Variants in METTL24 observed in about 807,000 individuals in gnomAD.
The protein encoded by METTL24 is methyltransferase like 24.
In METTL24, 29 loss-of-function variants were observed where a neutral mutation model predicts 32.7. The ratio of observed to expected loss-of-function variants is 0.89; its 90% CI spans 0.66 to 1.21. The LOEUF (loss-of-function observed/expected upper bound fraction) is 1.21, where lower values mean the gene tolerates loss of function less well. METTL24 is among the 50% of genes most tolerant of loss of function. METTL24 has a pLI of 0.00. For missense variants in METTL24, 439 were observed against 468.1 expected (o/e 0.94, Z 0.57); for synonymous variants, 163 against 179.5 (o/e 0.91, Z 0.73).
chr6:110,354,234 G>A (rs1254868914), intron 1 of METTL24, among the ~76,000 whole-genome samples: 10 of 152,204 alleles, frequency 6.6e-5, no homozygotes, highest in Non-Finnish European at 1.5e-5. Context: ...ATGGCTCCAT[G>A]AAGAAGGGGA....
At chr6:110,346,776 A>T (rs1772484480) in intron 1 of METTL24, among the ~76,000 whole-genome samples, 1 of 152,172 alleles carries the variant, frequency 6.6e-6, no homozygotes, top group African/African-American at 2.4e-5. Context: ...AAGTGCTGGG[A>T]TTACAGGCGT....
intron 4 of METTL24, among the ~76,000 whole-genome samples, chr6:110,298,157 A>G (rs1325199659): frequency 6.6e-6 from 1 of 152,218 alleles, no homozygotes; most frequent in Non-Finnish European, 1.5e-5. Flanking sequence ...ATCACATGGC[A>G]TCTCTGGCTG....
At chr6:110,343,540 C>T (rs62435943) in intron 1 of METTL24, among the ~76,000 whole-genome samples, 13,368 of 152,002 alleles carry the variant, frequency 0.088, 630 homozygotes, top group Non-Finnish European at 0.1. Context: ...AGGACAGGCC[C>T]GGAAGGAAAG....
chr6:110,292,466 TGA>T (rs1280527001), intron 4 of METTL24, among the ~76,000 whole-genome samples: 1 of 152,230 alleles, frequency 6.6e-6, no homozygotes, highest in Non-Finnish European at 1.5e-5. Context: ...TCCTTTTCTG[TGA>T]ACTGTTTTTC....
chr6:110,325,327 T>C (rs900031465), intron 1 of METTL24, among the ~76,000 whole-genome samples: 1 of 152,208 alleles, frequency 6.6e-6, no homozygotes, highest in African/African-American at 2.4e-5. Flanking sequence ...GGCCACACAG[T>C]TTCTGTTGCA....
chr6:110,312,673 A>G (rs1771745234), intron 3 of METTL24, among the ~76,000 whole-genome samples: 1 of 152,194 alleles, frequency 6.6e-6, no homozygotes, highest in Admixed American at 6.5e-5. Context: ...GAGAGAGTAG[A>G]ATGATGGTTA....
At position 110,325,782 on chromosome 6, in the gene METTL24, CT is replaced by C. The variant is rs375946417; in HGVS notation, c.319-2911del. 1.7e-3 allele frequency among the ~76,000 whole-genome samples: 264 copies of C among 152,316 alleles called. 9 individuals carry two copies. In the South Asian group the frequency reaches 0.035, roughly 20 times the overall value. On this transcript the variant is annotated intron_variant, in intron 1 of 4. Transcript: ENST00000338882. ...AGGGACTCTCAGCAAAGCAAAAGTT[CT>C]GCTAGCTGGCTTCCTGCCTCACAGA...
At chr6:110,247,497 A>T (rs1295309296) in intron 4 of METTL24, among the ~76,000 whole-genome samples, 1 of 152,222 alleles carries the variant, frequency 6.6e-6, no homozygotes, top group Non-Finnish European at 1.5e-5. Flanking sequence ...TGAGTAAAGT[A>T]TTATTATCAA....
At chr6:110,278,475 A>G (rs780656888) in intron 4 of METTL24, among the ~76,000 whole-genome samples, 31 of 152,196 alleles carry the variant, frequency 2.0e-4, no homozygotes, top group Non-Finnish European at 2.8e-4. Flanking sequence ...GCCTGGCTGT[A>G]CTAGGCCTGA....
chr6:110,251,470 AAAT>A (rs1050093768), intron 4 of METTL24, among the ~76,000 whole-genome samples: 14 of 152,224 alleles, frequency 9.2e-5, no homozygotes, highest in Admixed American at 2.0e-4. Flanking sequence ...CTAATAAAGA[AAAT>A]AATAAATAGG....
chr6:110,356,051 T>C (rs963662470), intron 1 of METTL24, among the ~76,000 whole-genome samples: 5 of 151,936 alleles, frequency 3.3e-5, no homozygotes, highest in Admixed American at 2.0e-4. Context: ...AGATGCTGAG[T>C]GAATCTAAAA....
intron 1 of METTL24, among the ~76,000 whole-genome samples, chr6:110,354,338 T>A (rs1772664368): frequency 3.3e-5 from 5 of 152,220 alleles, no homozygotes; most frequent in African/African-American, 9.6e-5. Context: ...GTGATTAAAG[T>A]GGCAGAATTT....
In METTL24 at chr6:110,295,013, C is replaced by CTTTTTTTTTTTT. The variant is rs1195740747; in HGVS notation, c.786+3897_786+3908dup. Among the ~76,000 whole-genome samples, 34 of 78,130 alleles carry CTTTTTTTTTTTT rather than the reference C, an allele frequency of 4.4e-4. 2 individuals are homozygous for CTTTTTTTTTTTT. Among genetic ancestry groups the CTTTTTTTTTTTT allele is most frequent in the African/African-American group, 1.6e-3 (29 of 18,334 alleles). 51.3% of individuals were successfully genotyped at this position (78,130 alleles called of 152,430 possible). On this transcript the variant is annotated intron_variant, in intron 4 of 4. Transcript: ENST00000338882. Reference sequence around the variant, plus strand: ...ATTGCTTTTCTTTTTTTCTTTCTTTCTTTTTTTTTTTTTTTTTTTTTTTTT... The same window carrying CTTTTTTTTTTTT: ...ATTGCTTTTCTTTTTTTCTTTCTTTCTTTTTTTTTTTTTTTTTTTTTTTTTTTTTTTTTTTTT...
chr6:110,281,439 G>A (rs1251579918), intron 4 of METTL24, among the ~76,000 whole-genome samples: 4 of 151,830 alleles, frequency 2.6e-5, no homozygotes, highest in African/African-American at 4.8e-5. Context: ...TCAGAAGTTC[G>A]AGACCAGCCC....
At chr6:110,279,911 CTGGCATCTGCT>C (rs1215395138) in intron 4 of METTL24, among the ~76,000 whole-genome samples, 1 of 152,152 alleles carries the variant, frequency 6.6e-6, no homozygotes, top group Admixed American at 6.6e-5. Flanking sequence ...AAGCATGATG[CTGGCATCTGCT>C]TGGCTTCTGG....
At chr6:110,328,155 C>T (rs1044992953) in intron 1 of METTL24, among the ~76,000 whole-genome samples, 2 of 152,182 alleles carry the variant, frequency 1.3e-5, no homozygotes, top group South Asian at 2.1e-4. Flanking sequence ...GTGGGGACCC[C>T]CTCTATTTCT....
chr6:110,310,553 T>C (rs1361161248), intron 3 of METTL24, among the ~76,000 whole-genome samples: 5 of 152,178 alleles, frequency 3.3e-5, no homozygotes, highest in African/African-American at 1.2e-4. Context: ...TTTTCTCTTC[T>C]CTATCCCTTT....
Position 110,246,260 on chromosome 6 carries a change from T to C in METTL24, c.787A>G (p.Ile263Val), listed in dbSNP as rs1363685907. Residue 263 changes from isoleucine (I) to valine (V), a missense_variant and splice_region_variant, in exon 5 of 5, where the codon ATT becomes GTT. Ile to Val is a conservative substitution (Grantham distance 29). Coordinates refer to ENST00000338882, the MANE Select transcript of METTL24 (RefSeq NM_001123364.3). ...TCCAGATCTGCCTTGAGAACGTCAA[T>C]CTGTAACAAAGCAATGAAATGAGAT... The part of the protein sequence containing the change: ...SILNEFGHHK[I>V]DVLKADLESA... 5 of 1,598,954 alleles carry C rather than the reference T, an allele frequency of 3.1e-6. No individual in the cohort carries two copies. Among genetic ancestry groups the C allele is most frequent in the African/African-American group, 2.7e-5 (2 of 74,402 alleles).
intron 1 of METTL24, among the ~76,000 whole-genome samples, chr6:110,339,433 G>A (rs1480883711): frequency 6.6e-6 from 1 of 152,214 alleles, no homozygotes; most frequent in Non-Finnish European, 1.5e-5. Flanking sequence ...AAGGCTAGGT[G>A]CCATTTCTAA....
Sources: allele counts gnomAD v4.1 joint callset (sites outside exome capture counted in the v4.1 genomes callset), GRCh38; gene constraint gnomAD v4.1.1; transcripts MANE v1.5; gene names NCBI Gene and HGNC (gene_info 2026-07-23, HGNC 2026-07-21).